TENM3: variants seen among roughly 807,000 people sequenced by gnomAD.
TENM3 encodes the protein teneurin-3.
A neutral mutation model predicts 255.1 loss-of-function variants in TENM3; 63 were observed. The ratio of observed to expected loss-of-function variants is 0.25; its 90% confidence interval spans 0.20 to 0.30. TENM3 has a LOEUF of 0.30. Among genes scored for constraint, TENM3 ranks in the 10% least tolerant of loss-of-function variants. The pLI is 1.00. For synonymous variants in TENM3, 1,306 were observed against 1,322.3 expected (o/e 0.99, Z 0.27); for missense variants, 2,929 against 3,461.1 (o/e 0.85, Z 3.86).
chr4:182,194,703 C>CCAAACT (rs1753730917), intron 1 of TENM3, among the ~76,000 whole-genome samples: 1 of 152,108 alleles, frequency 6.6e-6, no homozygotes, highest in Non-Finnish European at 1.5e-5. Context: ...AAATGTAACC[C>CCAAACT]TGTGATGGGA....
At chr4:181,886,304 C>A in the TENM3 span, among the ~76,000 whole-genome samples, 3 of 152,158 alleles carry the variant, frequency 2.0e-5, no homozygotes, top group Non-Finnish European at 4.4e-5. Context: ...CCGCCTACCT[C>A]AGCCTCCGAA....
At chr4:182,582,144 T>A (rs934011249) in intron 3 of TENM3, among the ~76,000 whole-genome samples, 3 of 152,224 alleles carry the variant, frequency 2.0e-5, no homozygotes, top group Non-Finnish European at 4.4e-5. Flanking sequence ...CACTGGCCTT[T>A]GCTGGATAGC....
the TENM3 span, among the ~76,000 whole-genome samples, chr4:181,922,364 T>A: frequency 1.3e-4 from 20 of 152,354 alleles, no homozygotes; most frequent in African/African-American, 4.8e-4. Context: ...CATCTGGTCC[T>A]GGACTCTTTT....
At chr4:182,344,220 A>G (rs1764659154) in intron 2 of TENM3, among the ~76,000 whole-genome samples, 1 of 152,164 alleles carries the variant, frequency 6.6e-6, no homozygotes, top group Non-Finnish European at 1.5e-5. Context: ...AGTGGCTTTA[A>G]CCTGAGTCCA....
intron 3 of TENM3, among the ~76,000 whole-genome samples, chr4:182,593,577 C>G (rs1367341464): frequency 1.3e-5 from 2 of 152,092 alleles, no homozygotes; most frequent in Non-Finnish European, 2.9e-5. Context: ...CGTGTGTAGC[C>G]AGGCCACATG....
the TENM3 span, among the ~76,000 whole-genome samples, chr4:181,640,839 C>T: frequency 6.6e-6 from 1 of 152,178 alleles, no homozygotes; most frequent in African/African-American, 2.4e-5. Context: ...GGTTGGGCAA[C>T]CCTTTCCTCC....
At chr4:181,650,332 A>G in the TENM3 span, among the ~76,000 whole-genome samples, 1 of 152,206 alleles carries the variant, frequency 6.6e-6, no homozygotes, top group Admixed American at 6.5e-5. Context: ...CAGAGCATAA[A>G]CAAAGCATGT....
chr4:182,598,695 G>A (rs987487711), intron 3 of TENM3, among the ~76,000 whole-genome samples: 2 of 152,156 alleles, frequency 1.3e-5, no homozygotes, highest in African/African-American at 4.8e-5. Context: ...GGAATATCAA[G>A]TCTAGAAAAT....
chr4:182,502,910 C>CTTCTT (rs1736460004), intron 3 of TENM3, among the ~76,000 whole-genome samples: 1 of 77,370 alleles, frequency 1.3e-5, no homozygotes, highest in South Asian at 4.1e-4. Flanking sequence ...TGAAGTCAGC[C>CTTCTT]TTTTTTTTTT....
At chr4:182,161,756 T>TACAA (rs1554023552) in intron 1 of TENM3, among the ~76,000 whole-genome samples, 1 of 61,658 alleles carries the variant, frequency 1.6e-5, no homozygotes, top group African/African-American at 7.8e-5. Flanking sequence ...TGTATATATA[T>TACAA]ACATATATAT....
chr4:182,607,719 G>A (rs188093007), intron 4 of TENM3, among the ~76,000 whole-genome samples: 583 of 152,244 alleles, frequency 3.8e-3, no homozygotes, highest in Non-Finnish European at 4.9e-3. Flanking sequence ...CACCAAGAAA[G>A]TATGCATTAA....
Position 182,146,560 on chromosome 4 carries a change from C to T in TENM3, c.-76+1806C>T, listed in dbSNP as rs145102875. 1.9e-3 allele frequency among the ~76,000 whole-genome samples: 285 copies of T among 151,898 alleles called. 2 individuals carry two copies. The highest frequency in any genetic ancestry group is 6.5e-3 in the African/African-American group (271 of 41,442). ...TTTTCTTACACGAATTTTATTATTCCTCTTAATCAAAGATTTTTTTCTAAT... is the reference window on the plus strand; with the variant it reads ...TTTTCTTACACGAATTTTATTATTCTTCTTAATCAAAGATTTTTTTCTAAT... On this transcript the variant is annotated intron_variant, in intron 1 of 2. Transcript: ENST00000512480.
At chr4:182,150,756 A>C (rs2149578296) in intron 1 of TENM3, among the ~76,000 whole-genome samples, 1 of 152,164 alleles carries the variant, frequency 6.6e-6, no homozygotes, top group Non-Finnish European at 1.5e-5. Context: ...TACTAGTAAT[A>C]TTTGTTAGAA....
At chr4:182,563,156 C>A (rs748763670) in intron 3 of TENM3, among the ~76,000 whole-genome samples, 1 of 152,018 alleles carries the variant, frequency 6.6e-6, no homozygotes, top group Non-Finnish European at 1.5e-5. Context: ...GGCTCACACC[C>A]GTAATCCCAA....
chr4:182,329,470 G>T (rs1386735659), intron 2 of TENM3, among the ~76,000 whole-genome samples: 1 of 152,148 alleles, frequency 6.6e-6, no homozygotes, highest in African/African-American at 2.4e-5. Flanking sequence ...AGAGATGTTG[G>T]TCCCAGGAAT....
chr4:181,997,667 T>C, the TENM3 span, among the ~76,000 whole-genome samples: 2 of 152,188 alleles, frequency 1.3e-5, no homozygotes, highest in South Asian at 4.1e-4. Flanking sequence ...GAAGGTGCAT[T>C]GCTGGGAATT....
At chr4:182,702,820 C>G (rs1295904940) in intron 12 of TENM3, among the ~76,000 whole-genome samples, 1 of 151,934 alleles carries the variant, frequency 6.6e-6, no homozygotes, top group Non-Finnish European at 1.5e-5. Context: ...TCACTGCAAG[C>G]TCCACCTCCC....
chr4:182,511,248 T>C (rs1244994220), intron 3 of TENM3, among the ~76,000 whole-genome samples: 1 of 152,238 alleles, frequency 6.6e-6, no homozygotes, highest in Non-Finnish European at 1.5e-5. Context: ...TACTCATTTA[T>C]GGAAGATAGA....
intron 3 of TENM3, among the ~76,000 whole-genome samples, chr4:182,439,162 A>G (rs138767571): frequency 1.3e-5 from 2 of 152,210 alleles, no homozygotes; most frequent in Non-Finnish European, 1.5e-5. Context: ...ACATCTGTGA[A>G]GTTTGTTATC....
Sources: gnomAD v4.1 joint callset for allele counts (sites outside exome capture counted in the v4.1 genomes callset) on GRCh38, gnomAD v4.1.1 for gene constraint, MANE v1.5 for transcripts, NCBI Gene and HGNC (gene_info 2026-07-23, HGNC 2026-07-21) for gene names.